TUBA3E: variants seen among roughly 807,000 people sequenced by gnomAD.
The protein encoded by TUBA3E is tubulin alpha 3e.
TUBA3E carries 21 observed loss-of-function variants against 36.7 expected under a neutral mutation model. The observed-to-expected ratio is 0.57, with a 90% CI of 0.41 to 0.83. The LOEUF is 0.83. TUBA3E is among the 40% of genes least tolerant of loss of function. TUBA3E has a pLI of 0.00. For missense variants in TUBA3E, 469 were observed against 604.2 expected (o/e 0.78, Z 2.35); for synonymous variants, 177 against 241.9 (o/e 0.73, Z 2.49).
chr2:130,196,809 G>A (rs1690418285), intron 1 of TUBA3E, among the ~76,000 whole-genome samples: 1 of 152,182 alleles, frequency 6.6e-6, no homozygotes, highest in Non-Finnish European at 1.5e-5. Context: ...CTCAGTGTGT[G>A]TCCTCTCTCT....
intron 1 of TUBA3E, among the ~76,000 whole-genome samples, chr2:130,197,760 C>A (rs1338224094): frequency 8.1e-6 from 1 of 122,940 alleles, no homozygotes; most frequent in Non-Finnish European, 1.8e-5. Flanking sequence ...ACTCGCATCA[C>A]CATGCCCGGG....
intron 4 of TUBA3E, 32 bp from the exon 5 acceptor site, chr2:130,192,159 A>C (rs1157888193): frequency 1.3e-6 from 2 of 1,579,054 alleles, no homozygotes; most frequent in South Asian, 2.3e-5. Flanking sequence ...GCAGTCCGTG[A>C]AGCTTATATC....
intron 4 of TUBA3E, among the ~76,000 whole-genome samples, chr2:130,193,467 G>C (rs984491214): frequency 4.0e-5 from 6 of 151,460 alleles, no homozygotes; most frequent in African/African-American, 1.5e-4. Flanking sequence ...AAATTAGCCG[G>C]GCATGGTGGC....
At chr2:130,193,534 G>A (rs534710686) in intron 4 of TUBA3E, among the ~76,000 whole-genome samples, 3 of 151,338 alleles carry the variant, frequency 2.0e-5, no homozygotes, top group East Asian at 1.9e-4. Flanking sequence ...GCTTGAACCC[G>A]GGAGGCAGAG....
chr2:130,196,838 G>A (rs1282626330), intron 1 of TUBA3E, among the ~76,000 whole-genome samples: 5 of 152,118 alleles, frequency 3.3e-5, no homozygotes, highest in South Asian at 2.1e-4. Flanking sequence ...GTTCTACCCC[G>A]TCCATCATTC....
rs577859772 is a variant in TUBA3E, at chr2:130,198,056, C to A, written c.3+302G>T. Among the ~76,000 whole-genome samples the A allele has an allele frequency of 3.7e-3, 461 of 123,420 alleles. 123 individuals are homozygous for A. The highest frequency in any genetic ancestry group is 7.0e-3 in the Non-Finnish European group (393 of 55,904). 81.0% of individuals were successfully genotyped at this position (123,420 alleles called of 152,430 possible). On this transcript the variant is annotated intron_variant, in intron 1 of 4. Coordinates refer to ENST00000312988, the MANE Select transcript of TUBA3E (RefSeq NM_207312.3). Reference sequence around the variant, plus strand: ...TCCAGTAGCACAAAGACGTGTGAAGCGGGAGCAGCGCCCTCCTGTCTTCAG... The same window carrying A: ...TCCAGTAGCACAAAGACGTGTGAAGAGGGAGCAGCGCCCTCCTGTCTTCAG...
intron 3 of TUBA3E, 123 bp downstream of exon 3, chr2:130,194,956 G>A (rs1690367976): frequency 1.0e-5 from 16 of 1,531,626 alleles, no homozygotes; most frequent in South Asian, 5.0e-5. Context: ...GGGATTACAC[G>A]TGTGAGCCAC....
intron 1 of TUBA3E, among the ~76,000 whole-genome samples, chr2:130,197,274 G>C (rs147970089): frequency 6.6e-6 from 1 of 151,652 alleles, no homozygotes; most frequent in Non-Finnish European, 1.5e-5. Context: ...AGGATCACTT[G>C]GGACCAGTTT....
chr2:130,195,730 C>T (rs1203700671), intron 2 of TUBA3E, among the ~76,000 whole-genome samples: 4 of 152,164 alleles, frequency 2.6e-5, no homozygotes, highest in Admixed American at 2.0e-4. Context: ...CCTCAGGCTG[C>T]GAATCTGAAG....
At position 130,193,947 on chromosome 2, in the gene TUBA3E, C is replaced by T. The variant is rs568047874; in HGVS notation, c.895G>A (p.Ala299Thr). 4 of 1,614,220 alleles carry T rather than the reference C, an allele frequency of 2.5e-6. No individual in the cohort carries two copies. In the South Asian group the frequency reaches 4.4e-5, roughly 18 times the overall value. Residue 299 changes from alanine to threonine, a missense_variant, in exon 4 of 5, where the codon GCC becomes ACC. By Grantham distance (58) the Ala-to-Thr change is moderately conservative. Around this residue, in one of 3 missense-constraint regions of TUBA3E, gnomAD observed 296 missense variants for 346.9 expected, o/e 0.85. Transcript: ENST00000312988. ...AEITNACFEP[A>T]NQMVKCDPRH... ...GGGTCACACTTGACCATCTGATTGG[C>T]TGGCTCGAAGCAGGCATTGGTGATC...
rs1259689655 is a variant in TUBA3E at position 130,196,475 on chromosome 2, C to T, written c.4-104G>A. On this transcript the variant is annotated intron_variant, in intron 1 of 4. Coordinates refer to ENST00000312988, the MANE Select transcript of TUBA3E (RefSeq NM_207312.3). Reference sequence around the variant, plus strand: ...TAATATTTATATAGTGCTTCAGTATCTGGCGCTTTCACAATCGATATTTCC... The same window carrying T: ...TAATATTTATATAGTGCTTCAGTATTTGGCGCTTTCACAATCGATATTTCC... 2.7e-6 allele frequency: 4 copies of T among 1,464,322 alleles called. No homozygotes were observed. In the African/African-American group the frequency reaches 5.7e-5, roughly 21 times the overall value. 90.7% of individuals were successfully genotyped at this position (1,464,322 alleles called of 1,614,324 possible).
At chr2:130,196,495 A>G (rs1690408756) in intron 1 of TUBA3E, 124 bp from the exon 2 acceptor site, 1 of 1,361,650 alleles carries the variant, frequency 7.3e-7, no homozygotes, top group Admixed American at 2.6e-5. Context: ...CACAATCGAT[A>G]TTTCCTAGGA....
At chr2:130,196,029 T>C (rs974115086) in intron 2 of TUBA3E, 120 bp downstream of exon 2, 4 of 1,366,308 alleles carry the variant, frequency 2.9e-6, no homozygotes, top group African/African-American at 2.9e-5. Context: ...AACAATGCCA[T>C]GGGCATATGC....
rs886880884 is a variant in TUBA3E, at chr2:130,197,526, GAAAA to G, written c.3+828_3+831del. ...AAAAAAAAGAAAAGAAAAGAAAAAA[GAAAA>G]AGAAAGGAAAAAAAGGATAACTGAC... is the stretch of plus-strand genomic sequence containing the variant. On this transcript the variant is annotated intron_variant, in intron 1 of 4. Transcript: ENST00000312988. Among the ~76,000 whole-genome samples the G allele has an allele frequency of 4.1e-5, 5 of 121,852 alleles. 1 individual carries two copies. The highest frequency in any genetic ancestry group is 7.2e-5 in the Non-Finnish European group (4 of 55,578). The allele number at this position is 121,852 out of a possible 152,430, so 79.9% of individuals were successfully genotyped here. A position where few individuals can be genotyped will look rare whatever the true frequency, so the allele number is the denominator to read the frequency against.
At chr2:130,195,270 A>G (rs376127861) in intron 2 of TUBA3E, 43 bp from the exon 3 acceptor site, 204 of 1,602,270 alleles carry the variant, frequency 1.3e-4, no homozygotes, top group Non-Finnish European at 1.6e-4. Flanking sequence ...TAAGGCCTGT[A>G]CTCACCAAGA....
At chr2:130,197,910 A>C (rs1182371360) in intron 1 of TUBA3E, among the ~76,000 whole-genome samples, 3 of 124,600 alleles carry the variant, frequency 2.4e-5, no homozygotes, top group African/African-American at 8.5e-5. Flanking sequence ...GCCTGGCCTA[A>C]CGGTTGCCTT....
Position 130,193,606 on chromosome 2 carries a change from CAAA to C in TUBA3E, c.1056+177_1056+179del, listed in dbSNP as rs34918027. ...CCTGGTCGACAGAGCAAGACTGTCT[CAAA>C]AAAAAAAAAAAAAAAAAAATCACTG... is the stretch of plus-strand genomic sequence containing the variant. On this transcript the variant is annotated intron_variant, in intron 4 of 4. Coordinates refer to ENST00000312988, the MANE Select transcript of TUBA3E (RefSeq NM_207312.3). 1.6e-3 allele frequency among the ~76,000 whole-genome samples: 155 copies of C among 95,052 alleles called. 1 individual carries two copies. Among genetic ancestry groups the C allele is most frequent in the African/African-American group, 5.5e-3 (136 of 24,708 alleles). 62.4% of individuals were successfully genotyped at this position (95,052 alleles called of 152,430 possible). A position where few individuals can be genotyped will look rare whatever the true frequency, so the allele number is the denominator to read the frequency against.
At chr2:130,195,351 G>A (rs1690379299) in intron 2 of TUBA3E, 124 bp from the exon 3 acceptor site, 1 of 1,365,322 alleles carries the variant, frequency 7.3e-7, no homozygotes, top group Non-Finnish European at 9.9e-7. Flanking sequence ...ACATGTCATA[G>A]GTCAACAGTG....
intron 3 of TUBA3E, 122 bp from the exon 4 acceptor site, chr2:130,194,588 A>G (rs1186781850): frequency 8.2e-7 from 1 of 1,224,910 alleles, no homozygotes; most frequent in East Asian, 2.5e-5. Flanking sequence ...ATCCATAATA[A>G]ACATGCAATA....
Sources: allele counts gnomAD v4.1 joint callset (sites outside exome capture counted in the v4.1 genomes callset), GRCh38; gene constraint gnomAD v4.1.1; regional missense constraint gnomAD v4.1.1; transcripts MANE v1.5; gene names NCBI Gene and HGNC (gene_info 2026-07-23, HGNC 2026-07-21).